The following NHSL3 variants were observed in gnomAD, a reference collection of about 807,000 sequenced individuals.
The protein encoded by NHSL3 is NHS-like protein 3.
chr1:32,744,072 C>G, the NHSL3 span, among the ~76,000 whole-genome samples: 38 of 152,174 alleles, frequency 2.5e-4, no homozygotes, highest in Admixed American at 1.9e-3. Flanking sequence ...GAACGGGAAG[C>G]CTGCAGAAGG....
chr1:32,771,499 C>A, the NHSL3 span: 2 of 1,582,030 alleles, frequency 1.3e-6, no homozygotes, highest in African/African-American at 1.4e-5. Flanking sequence ...CCCTCCCCCA[C>A]CCCCTGCCCC....
At chr1:32,771,029 C>G in the NHSL3 span, 1 of 1,612,566 alleles carries the variant, frequency 6.2e-7, no homozygotes, top group Admixed American at 1.7e-5. Context: ...GAGCGTGTCA[C>G]GTCTCTTCGC....
At chr1:32,770,456 T>C in the NHSL3 span, 4 of 1,603,550 alleles carry the variant, frequency 2.5e-6, no homozygotes, top group Middle Eastern at 5.0e-4. The surrounding 1 kb of genome is among the most constrained non-coding windows in gnomAD (Gnocchi z 8.3). Context: ...GACACCATTG[T>C]GTCTGACGGT....
the NHSL3 span, chr1:32,769,611 C>A: frequency 1.6e-5 from 20 of 1,234,158 alleles, no homozygotes; most frequent in South Asian, 2.3e-4. Context: ...AAAAGTAGTG[C>A]CCTGCAGAAT....
At chr1:32,768,779 G>A in the NHSL3 span, 3 of 1,613,564 alleles carry the variant, frequency 1.9e-6, no homozygotes, top group Admixed American at 5.0e-5. Context: ...CGCAAAGGTG[G>A]ATTCATGGGC....
the NHSL3 span, among the ~76,000 whole-genome samples, chr1:32,755,681 G>A: frequency 0.26 from 39,640 of 152,098 alleles, 5,313 homozygotes; most frequent in Middle Eastern, 0.36. Flanking sequence ...TCATTTGCCT[G>A]TGGTGGTTTG....
chr1:32,749,671 G>T, the NHSL3 span, among the ~76,000 whole-genome samples: 4 of 152,138 alleles, frequency 2.6e-5, no homozygotes, highest in African/African-American at 9.7e-5. Flanking sequence ...TCTGCTAGGG[G>T]TGTGAAGAGC....
chr1:32,772,245 C>T, the NHSL3 span: 5 of 1,604,594 alleles, frequency 3.1e-6, no homozygotes, highest in South Asian at 2.2e-5. Context: ...CTAAGGCTCC[C>T]CCACCTGTGG....
the NHSL3 span, among the ~76,000 whole-genome samples, chr1:32,748,240 C>T: frequency 8.5e-5 from 13 of 152,144 alleles, no homozygotes; most frequent in African/African-American, 2.4e-4. Context: ...GACCACGCCA[C>T]TGTACTCCAG....
At chr1:32,741,896 C>G in the NHSL3 span, 1 of 204,236 alleles carries the variant, frequency 4.9e-6, no homozygotes, top group Non-Finnish European at 8.5e-6. This position sits in a 1 kb window ranked among gnomAD's most constrained non-coding sequence, Gnocchi z 4.3. Context: ...CGGCCGCCCC[C>G]GGCATGGGCA....
At chr1:32,770,001 C>T in the NHSL3 span, 1 of 1,602,896 alleles carries the variant, frequency 6.2e-7, no homozygotes. This position sits in a 1 kb window ranked among gnomAD's most constrained non-coding sequence, Gnocchi z 8.3. Flanking sequence ...CCCGGGTGTC[C>T]CTGCAGGCGC....
At chr1:32,745,514 C>T in the NHSL3 span, among the ~76,000 whole-genome samples, 1 of 146,290 alleles carries the variant, frequency 6.8e-6, no homozygotes, top group Middle Eastern at 3.3e-3. Flanking sequence ...GGCGAGATTG[C>T]ACCACTGTAC....
At chr1:32,765,923 A>G in the NHSL3 span, 1 of 1,199,942 alleles carries the variant, frequency 8.3e-7, no homozygotes, top group South Asian at 1.3e-5. Context: ...GGGCAAAAGT[A>G]ATGGGGTGGG....
the NHSL3 span, among the ~76,000 whole-genome samples, chr1:32,757,902 C>T: frequency 2.0e-5 from 3 of 152,264 alleles, no homozygotes; most frequent in East Asian, 1.9e-4. Context: ...GCCCCGGCCC[C>T]GGGGGATTTG....
chr1:32,771,803 G>T, the NHSL3 span: 1 of 1,613,012 alleles, frequency 6.2e-7, no homozygotes, highest in African/African-American at 1.3e-5. Flanking sequence ...GAGGACGTAG[G>T]TGCGCCCCTG....
At chr1:32,741,960 G>A in the NHSL3 span, 21 of 1,069,046 alleles carry the variant, frequency 2.0e-5, no homozygotes, top group East Asian at 9.6e-4. The surrounding 1 kb of genome is among the most constrained non-coding windows in gnomAD (Gnocchi z 4.3). Context: ...CTGCCATGGC[G>A]GCCCGCGCGC....
the NHSL3 span, among the ~76,000 whole-genome samples, chr1:32,745,278 G>A: frequency 1.3e-5 from 2 of 152,052 alleles, no homozygotes; most frequent in East Asian, 3.9e-4. Flanking sequence ...AACTTTGCTT[G>A]ACTGGGCGTG....
At chr1:32,758,835 C>G in the NHSL3 span, among the ~76,000 whole-genome samples, 11 of 152,008 alleles carry the variant, frequency 7.2e-5, no homozygotes, top group African/African-American at 1.4e-4. Flanking sequence ...AAGCTCCAAC[C>G]TAGGAATCCT....
the NHSL3 span, among the ~76,000 whole-genome samples, chr1:32,749,101 AAG>A: frequency 6.6e-6 from 1 of 152,146 alleles, no homozygotes; most frequent in Non-Finnish European, 1.5e-5. Context: ...AAGGGTTAAC[AAG>A]TGTGACAAGG....
Sources: allele counts gnomAD v4.1 joint callset (sites outside exome capture counted in the v4.1 genomes callset), GRCh38; gene constraint gnomAD v4.1.1; non-coding constraint Gnocchi (gnomAD v3.1); transcripts MANE v1.5; gene names NCBI Gene and HGNC (gene_info 2026-07-23, HGNC 2026-07-21).